The following CFAP20DC variants were observed in gnomAD, a reference collection of about 807,000 sequenced individuals.
The protein encoded by CFAP20DC is protein CFAP20DC.
A neutral mutation model predicts 101.7 loss-of-function variants in CFAP20DC; 84 were observed. The ratio of observed to expected loss-of-function variants is 0.83; its 90% confidence interval spans 0.69 to 0.99. The LOEUF is 0.99. Ranked by LOEUF, CFAP20DC falls within the 50% of genes least tolerant of loss-of-function variation. The probability of loss-of-function intolerance (pLI) is 0.00; values close to 1 mark genes in which losing one functional copy is unlikely to be tolerated. For synonymous variants in CFAP20DC, 359 were observed against 351.2 expected (o/e 1.02, Z -0.25); for missense variants, 1,007 against 970.3 (o/e 1.04, Z -0.50).
In CFAP20DC at chr3:58,985,738, T is replaced by C. The variant is rs181138146; in HGVS notation, c.279-47976A>G. Among the ~76,000 whole-genome samples, 638 of 152,300 alleles carry C rather than the reference T, an allele frequency of 4.2e-3. 4 individuals carry two copies. The highest frequency in any genetic ancestry group is 6.4e-3 in the Non-Finnish European group (437 of 68,010). Reference sequence around the variant, plus strand: ...CATACCTCTAACTAAAAGGCAAAAATAAAAACTCTATTTTATTTAAAGTCT... The same window carrying C: ...CATACCTCTAACTAAAAGGCAAAAACAAAAACTCTATTTTATTTAAAGTCT... On this transcript the variant is annotated intron_variant, in intron 4 of 16. Transcript: ENST00000482387.
intron 6 of CFAP20DC, among the ~76,000 whole-genome samples, chr3:58,905,787 C>T (rs182820659): frequency 8.3e-4 from 127 of 152,310 alleles, no homozygotes; most frequent in Middle Eastern, 3.4e-3. Context: ...CTCAACACAG[C>T]CTCATCAGTC....
chr3:59,046,139 A>G, intron 3 of CFAP20DC, 90 bp downstream of exon 3: 1 of 852,184 alleles, frequency 1.2e-6, no homozygotes, highest in Non-Finnish European at 1.8e-6. Flanking sequence ...AGATGTCAGT[A>G]GAAGTCATAC....
chr3:58,773,391 A>T (rs966253471), intron 15 of CFAP20DC, among the ~76,000 whole-genome samples: 5 of 148,508 alleles, frequency 3.4e-5, no homozygotes, highest in African/African-American at 1.2e-4. Flanking sequence ...TCTCTAGCAA[A>T]AAAAAAAAAA....
intron 15 of CFAP20DC, among the ~76,000 whole-genome samples, chr3:58,805,815 T>C (rs2074013810): frequency 6.6e-6 from 1 of 152,194 alleles, no homozygotes; most frequent in South Asian, 2.1e-4. Flanking sequence ...CCAAAAATAA[T>C]GAGGTTTTTC....
chr3:59,014,504 AG>A lies in CFAP20DC; in HGVS notation c.278+25052del, dbSNP rs1231219405. 6.6e-6 allele frequency among the ~76,000 whole-genome samples: 1 copy of A among 152,186 alleles called. No individual in the cohort carries two copies. The highest frequency in any genetic ancestry group is 2.4e-5 in the African/African-American group (1 of 41,460). ...CAAGCTCAGACTCACAAGTAAAAAG[AG>A]GGTAACAGTTGAAAAGCCTGAATTT... On this transcript the variant is annotated intron_variant, in intron 4 of 16. Transcript: ENST00000482387. The surrounding 1 kb of genome is among the most constrained non-coding windows in gnomAD (Gnocchi z 4.9).
intron 15 of CFAP20DC, among the ~76,000 whole-genome samples, chr3:58,800,377 C>T (rs1206120439): frequency 1.3e-5 from 2 of 152,172 alleles, no homozygotes; most frequent in Non-Finnish European, 2.9e-5. Flanking sequence ...CTTGCTGAGT[C>T]TGGACATTCA....
chr3:58,750,195 T>C (rs2068471318), intron 16 of CFAP20DC, among the ~76,000 whole-genome samples: 3 of 152,204 alleles, frequency 2.0e-5, no homozygotes, highest in African/African-American at 7.2e-5. Flanking sequence ...AAGGGCCAGA[T>C]ATAACTCATG....
intron 16 of CFAP20DC, among the ~76,000 whole-genome samples, chr3:58,751,518 TGAGGG>T: frequency 6.6e-6 from 1 of 152,142 alleles, no homozygotes; most frequent in Non-Finnish European, 1.5e-5. Flanking sequence ...GGGGGCCGGC[TGAGGG>T]CTGACAGGTG....
chr3:58,876,889 T>C (rs542436915), intron 7 of CFAP20DC, among the ~76,000 whole-genome samples: 23 of 152,338 alleles, frequency 1.5e-4, no homozygotes, highest in African/African-American at 5.5e-4. Context: ...TATATGTGCA[T>C]TGCTATTAAG....
chr3:59,027,772 C>G (rs1369946174), intron 4 of CFAP20DC, among the ~76,000 whole-genome samples: 1 of 152,120 alleles, frequency 6.6e-6, no homozygotes. Context: ...TCCTGTGCAC[C>G]AGATGTCTGC....
chr3:58,791,699 G>A (rs2072872880), intron 15 of CFAP20DC, among the ~76,000 whole-genome samples: 1 of 152,116 alleles, frequency 6.6e-6, no homozygotes, highest in South Asian at 2.1e-4. Context: ...AACAACAAAT[G>A]TTAATTTCTT....
At chr3:58,848,897 T>G (rs2077972135) in intron 13 of CFAP20DC, 135 bp downstream of exon 13, 2 of 1,118,044 alleles carry the variant, frequency 1.8e-6, no homozygotes, top group African/African-American at 3.2e-5. Flanking sequence ...CTAAAACACA[T>G]CAGAACAGGA....
chr3:58,843,145 G>A (rs1034597675), intron 13 of CFAP20DC, among the ~76,000 whole-genome samples: 12 of 152,156 alleles, frequency 7.9e-5, no homozygotes, highest in African/African-American at 2.4e-4. Flanking sequence ...CACCAGCAAC[G>A]GAATAAAGCT....
At position 58,751,867 on chromosome 3, in the gene CFAP20DC, A is replaced by ACACACACACACACAC. The variant is rs1553645550; in HGVS notation, c.2332+1901_2332+1902insGTGTGTGTGTGTGTG. On this transcript the variant is annotated intron_variant, in intron 16 of 16. Coordinates refer to ENST00000482387, the MANE Select transcript of CFAP20DC (RefSeq NM_001394063.1). Reference sequence around the variant, plus strand: ...CACACACACACACACACACACACACAAAATTTCCTCCTGGTGGTGGTGTGA... The same window carrying ACACACACACACACAC: ...CACACACACACACACACACACACACACACACACACACACACAAATTTCCTCCTGGTGGTGGTGTGA... 1.9e-3 allele frequency among the ~76,000 whole-genome samples: 253 copies of ACACACACACACACAC among 136,218 alleles called. 1 individual carries two copies. Among genetic ancestry groups the ACACACACACACACAC allele is most frequent in the African/African-American group, 6.3e-3 (242 of 38,392 alleles). 89.4% of individuals were successfully genotyped at this position (136,218 alleles called of 152,430 possible).
chr3:59,039,136 G>T (rs1323355238), intron 4 of CFAP20DC, among the ~76,000 whole-genome samples: 1 of 151,968 alleles, frequency 6.6e-6, no homozygotes, highest in African/African-American at 2.4e-5. Context: ...AAATAGGAAG[G>T]AGTAATACTT....
intron 3 of CFAP20DC, among the ~76,000 whole-genome samples, chr3:58,719,244 A>C (rs1304499130): frequency 6.6e-6 from 1 of 152,170 alleles, no homozygotes; most frequent in African/African-American, 2.4e-5. Flanking sequence ...CCCTGTCTCA[A>C]CAAAAGAAAA....
intron 12 of CFAP20DC, among the ~76,000 whole-genome samples, chr3:58,852,012 C>G (rs2078284179): frequency 6.6e-6 from 1 of 152,126 alleles, no homozygotes; most frequent in African/African-American, 2.4e-5. Flanking sequence ...TTCTTTCACC[C>G]TCCAGAAAGT....
intron 14 of CFAP20DC, among the ~76,000 whole-genome samples, chr3:58,815,250 A>G (rs546992394): frequency 2.7e-5 from 4 of 149,384 alleles, no homozygotes; most frequent in South Asian, 4.3e-4. Context: ...AAAAACAAGC[A>G]ATGGGGAAAG....
intron 16 of CFAP20DC, among the ~76,000 whole-genome samples, chr3:58,744,937 T>C (rs967161477): frequency 1.3e-5 from 2 of 152,218 alleles, no homozygotes; most frequent in African/African-American, 2.4e-5. Context: ...TGTAGTGCTT[T>C]TGATGAGCTT....
Sources: gnomAD v4.1 joint callset for allele counts (sites outside exome capture counted in the v4.1 genomes callset) on GRCh38, gnomAD v4.1.1 for gene constraint, Gnocchi (gnomAD v3.1) non-coding constraint, MANE v1.5 for transcripts, NCBI Gene and HGNC (gene_info 2026-07-23, HGNC 2026-07-21) for gene names.